Variants in FRY observed in about 807,000 individuals in gnomAD.
The protein encoded by FRY is FRY microtubule binding protein, also known as protein furry homolog.
A neutral mutation model predicts 348.4 loss-of-function variants in FRY; 128 were observed. That is an observed-to-expected ratio of 0.37 (90% confidence interval 0.32 to 0.43). The LOEUF (loss-of-function observed/expected upper bound fraction) is 0.43. Among genes scored for constraint, FRY ranks in the 20% least tolerant of loss-of-function variants. The pLI, the probability that FRY is intolerant of heterozygous loss-of-function variation, is 1.00. For synonymous variants in FRY, 1,370 were observed against 1,374.7 expected, an observed-to-expected ratio of 1.00 and a Z score of 0.08; for missense variants, 2,736 against 3,695.2, an observed-to-expected ratio of 0.74 and a Z score of 6.73.
chr13:32,152,762 G>A (rs897509806), intron 14 of FRY, among the ~76,000 whole-genome samples: 1 of 152,006 alleles, frequency 6.6e-6, no homozygotes, highest in African/African-American at 2.4e-5. Flanking sequence ...GAAAAAAGTT[G>A]ATAAATTGAA....
chr13:32,146,224 A>G (rs142180970), intron 11 of FRY, among the ~76,000 whole-genome samples: 65 of 152,016 alleles, frequency 4.3e-4, no homozygotes, highest in African/African-American at 1.5e-3. Flanking sequence ...TAGGGCCACA[A>G]ACTGTGGCAG....
At chr13:32,061,829 A>G (rs968724909) in intron 1 of FRY, among the ~76,000 whole-genome samples, 1 of 152,206 alleles carries the variant, frequency 6.6e-6, no homozygotes, top group Non-Finnish European at 1.5e-5. Context: ...ATTTTAAGCA[A>G]TATTGTACAA....
At chr13:32,288,778 G>C (rs1374835234) in intron 58 of FRY, among the ~76,000 whole-genome samples, 1 of 152,164 alleles carries the variant, frequency 6.6e-6, no homozygotes, top group Non-Finnish European at 1.5e-5. Context: ...TTGAGCAAAG[G>C]CTGTTCCTTT....
At chr13:32,284,570 A>G (rs1888960477) in intron 58 of FRY, among the ~76,000 whole-genome samples, 1 of 152,216 alleles carries the variant, frequency 6.6e-6, no homozygotes, top group South Asian at 2.1e-4. Context: ...AGGTGTATTT[A>G]TCTTTCAAAG....
At chr13:32,205,911 G>A (rs2520709) in intron 31 of FRY, among the ~76,000 whole-genome samples, 61,425 of 151,086 alleles carry the variant, frequency 0.41, 12,669 homozygotes, top group Admixed American at 0.43. Flanking sequence ...GAGACTGGAG[G>A]GGAGAAACCA....
chr13:32,078,219 A>C (rs949213508), intron 1 of FRY, among the ~76,000 whole-genome samples: 1 of 152,210 alleles, frequency 6.6e-6, no homozygotes, highest in African/African-American at 2.4e-5. Flanking sequence ...AGGTGTCTCA[A>C]CTTGAGCCAA....
chr13:32,100,237 T>C (rs535031522), intron 2 of FRY, among the ~76,000 whole-genome samples: 53 of 151,946 alleles, frequency 3.5e-4, no homozygotes, highest in African/African-American at 1.3e-3. Flanking sequence ...CACACCACCT[T>C]GCCCAGCTAA....
chr13:32,254,222 A>T lies in FRY; in HGVS notation c.7246-2A>T. The T allele has an allele frequency of 6.2e-7, 1 of 1,614,002 alleles. No homozygotes were observed. Among genetic ancestry groups the T allele is most frequent in the Non-Finnish European group, 8.5e-7 (1 of 1,179,962 alleles). The stretch of plus-strand genomic sequence containing the variant: ...TCTCAGGAGAGGACTCTTGATTCGC[A>T]GGTGATTTTTTCATCGTGTGGGGAT... On this transcript the variant is annotated splice_acceptor_variant, in intron 50 of 60. Coordinates refer to ENST00000542859, the MANE Select transcript of FRY (RefSeq NM_023037.3). LOFTEE classifies it high-confidence loss of function.
Position 32,187,600 on chromosome 13 carries a change from C to G in FRY, c.3535C>G (p.Pro1179Ala), listed in dbSNP as rs1470199329. ...TGTCTTTGACAATGTGGGCCTTTCC[C>G]CAGATGGCTACCTATATAAATGGCT... ...GPVFDNVGLS[P>A]DGYLYKWLDN... The change falls in exon 28 of 61, where the codon CCA becomes GCA. Residue 1179 changes from proline to alanine, a missense_variant. Around this residue, in one of 9 missense-constraint regions of FRY, gnomAD observed 33 missense variants for 86.7 expected, o/e 0.38. Transcript: ENST00000542859. The G allele has an allele frequency of 1.2e-6, 2 of 1,612,838 alleles. No individual in the cohort carries two copies. The highest frequency in any genetic ancestry group is 8.5e-7 in the Non-Finnish European group (1 of 1,178,904).
chr13:32,036,958 C>T (rs9533214), intron 1 of FRY, among the ~76,000 whole-genome samples: 3,744 of 151,912 alleles, frequency 0.025, 65 homozygotes, highest in Non-Finnish European at 0.038. Flanking sequence ...CCTGCCAGTT[C>T]TTAGCCTTCT....
rs1387501303 is a variant in FRY at position 32,136,886 on chromosome 13, G to T, written c.1093G>T (p.Val365Leu). The change falls in exon 11 of 61, where the codon GTG becomes TTG. Residue 365 changes from valine (V) to leucine (L), a missense_variant. Physicochemically the swap from Val to Leu is conservative, Grantham distance 32. Transcript: ENST00000542859. ...TTCTCCTCAGGCCTTGTACCCCCTG[G>T]TGACCTGTTTGCTCTGTGTCAGTCA... ...KKHSLALYPL[V>L]TCLLCVSQKQ... is the part of the protein sequence containing the mutation. The T allele has an allele frequency of 6.9e-6, 11 of 1,599,962 alleles. No individual in the cohort carries two copies. The highest frequency in any genetic ancestry group is 9.4e-6 in the Non-Finnish European group (11 of 1,167,100).
At chr13:32,187,161 C>G (rs188622287) in intron 27 of FRY, among the ~76,000 whole-genome samples, 3 of 152,104 alleles carry the variant, frequency 2.0e-5, no homozygotes, top group African/African-American at 7.2e-5. Flanking sequence ...CAATATTTGT[C>G]GTAAAAGCAA....
chr13:32,237,841 G>A lies in FRY; in HGVS notation c.6273G>A (p.Gln2091=). The A allele has an allele frequency of 6.2e-7, 1 of 1,614,184 alleles. No individual in the cohort carries two copies. The highest frequency in any genetic ancestry group is 8.5e-7 in the Non-Finnish European group (1 of 1,180,040). Residue 2091 remains glutamine, a synonymous_variant, in exon 44 of 61, where the codon CAG becomes CAA. Transcript: ENST00000542859. This position sits in a 1 kb window ranked among gnomAD's most constrained non-coding sequence, Gnocchi z 6.3. The stretch of plus-strand genomic sequence containing the variant: ...AAAAGCTTGAGAAACTCCAGGCACA[G>A]CTGAAGTGGGCCGACTTCTCCGGGC... The part of the protein sequence containing the change: ...NREKLEKLQA[Q]LKWADFSGLQ...
intron 1 of FRY, among the ~76,000 whole-genome samples, chr13:32,039,902 T>C (rs952440401): frequency 6.6e-6 from 1 of 152,246 alleles, no homozygotes; most frequent in East Asian, 1.9e-4. Flanking sequence ...TAATTTGATA[T>C]ACAACTCTGA....
chr13:32,257,325 AAGT>A (rs1429021464), intron 51 of FRY, among the ~76,000 whole-genome samples: 1 of 152,206 alleles, frequency 6.6e-6, no homozygotes, highest in Non-Finnish European at 1.5e-5. Context: ...TCATCTGATA[AAGT>A]TAGGCATACT....
At chr13:32,187,428 T>C in intron 27 of FRY, 118 bp from the exon 28 acceptor site, 1 of 702,126 alleles carries the variant, frequency 1.4e-6, no homozygotes, top group Non-Finnish European at 2.6e-6. Flanking sequence ...GGGAAATAAG[T>C]GTCTTTAGAG....
In FRY at chr13:32,124,868, C is replaced by T; in HGVS notation, c.709C>T (p.Gln237Ter). 1 of 1,608,022 alleles carries T rather than the reference C, an allele frequency of 6.2e-7. No individual in the cohort carries two copies. The highest frequency in any genetic ancestry group is 8.5e-7 in the Non-Finnish European group (1 of 1,174,436). ...LYAEVIGVLA[Q>*]AKFPAVKKKF... ...TGCAGAAGTCATTGGAGTGTTGGCA[C>T]AAGCCAAGTAAGTGAATGCCAGAAC... The change falls in exon 7 of 61, where the codon CAA becomes TAA. Residue 237 changes from glutamine (Q) to a stop codon, truncating the protein, a stop_gained. Coordinates refer to ENST00000542859, the MANE Select transcript of FRY (RefSeq NM_023037.3). LOFTEE classifies it high-confidence loss of function.
At position 32,237,796 on chromosome 13, in the gene FRY, C is replaced by T. The variant is rs753034597; in HGVS notation, c.6228C>T (p.Leu2076=). 5.0e-5 allele frequency: 81 copies of T among 1,614,024 alleles called. No individual in the cohort carries two copies. Among genetic ancestry groups the T allele is most frequent in the Admixed American group, 2.7e-4 (16 of 60,002 alleles). Residue 2076 remains leucine, a synonymous_variant, in exon 44 of 61, where the codon CTC becomes CTT. Transcript: ENST00000542859. The surrounding 1 kb of genome is among the most constrained non-coding windows in gnomAD (Gnocchi z 6.3). The stretch of plus-strand genomic sequence containing the variant: ...GCAGACTACTGGCACATATGCCACT[C>T]GATAAGGCTGAGAACCGAGAAAAGC... The part of the protein sequence containing the change: ...LLSRLLAHMP[L]DKAENREKLE...
chr13:32,225,086 A>G (rs1450993134), intron 38 of FRY, 50 bp downstream of exon 38: 1 of 1,004,314 alleles, frequency 1.0e-6, no homozygotes, highest in Non-Finnish European at 1.6e-6. Flanking sequence ...AAAAATATAC[A>G]GAAGTAATCC....
Sources: gnomAD v4.1 joint callset for allele counts (sites outside exome capture counted in the v4.1 genomes callset) on GRCh38, gnomAD v4.1.1 for gene constraint, gnomAD v4.1.1 regional missense constraint, Gnocchi (gnomAD v3.1) non-coding constraint, MANE v1.5 for transcripts, NCBI Gene and HGNC (gene_info 2026-07-23, HGNC 2026-07-21) for gene names.